The following SLC38A12 variants were observed in gnomAD, a reference collection of about 807,000 sequenced individuals.
The protein encoded by SLC38A12 is putative sodium-coupled neutral amino acid transporter 12.
chr17:74,838,688 G>A, the SLC38A12 span: 1 of 1,426,442 alleles, frequency 7.0e-7, no homozygotes, highest in South Asian at 1.5e-5. Context: ...CTGTAAGTCA[G>A]ATGAGGTCAC....
At chr17:74,821,561 A>G in the SLC38A12 span, among the ~76,000 whole-genome samples, 1 of 152,220 alleles carries the variant, frequency 6.6e-6, no homozygotes, top group African/African-American at 2.4e-5. Flanking sequence ...TCCAGAAGTC[A>G]GAGTCAGCAG....
chr17:74,808,096 A>G, the SLC38A12 span, among the ~76,000 whole-genome samples: 1 of 152,244 alleles, frequency 6.6e-6, no homozygotes, highest in Admixed American at 6.5e-5. Context: ...TCTGCCCACC[A>G]TCGGGTACCA....
At chr17:74,818,430 C>G in the SLC38A12 span, among the ~76,000 whole-genome samples, 1 of 152,182 alleles carries the variant, frequency 6.6e-6, no homozygotes, top group Non-Finnish European at 1.5e-5. Context: ...GCACTTCAGT[C>G]CTCCGCATCA....
At chr17:74,818,359 A>G in the SLC38A12 span, among the ~76,000 whole-genome samples, 1 of 152,190 alleles carries the variant, frequency 6.6e-6, no homozygotes, top group African/African-American at 2.4e-5. Flanking sequence ...AAAGCCCTCC[A>G]TGCCTGGTGG....
chr17:74,825,867 G>T, the SLC38A12 span, among the ~76,000 whole-genome samples: 1 of 152,200 alleles, frequency 6.6e-6, no homozygotes, highest in Non-Finnish European at 1.5e-5. Context: ...CATCTGCAGG[G>T]CTGCCACGGC....
the SLC38A12 span, chr17:74,836,170 C>A: frequency 1.2e-6 from 2 of 1,613,334 alleles, no homozygotes; most frequent in African/African-American, 2.7e-5. The surrounding 1 kb of genome is among the most constrained non-coding windows in gnomAD (Gnocchi z 4.2). Context: ...TCCTTCACCG[C>A]CATCTTCTGC....
chr17:74,801,076 C>T, the SLC38A12 span, among the ~76,000 whole-genome samples: 7 of 152,192 alleles, frequency 4.6e-5, no homozygotes, highest in Non-Finnish European at 8.8e-5. Flanking sequence ...AAGGGTGTTG[C>T]TTCCAGGGTC....
chr17:74,839,342 C>T, the SLC38A12 span: 6 of 614,694 alleles, frequency 9.8e-6, no homozygotes, highest in African/African-American at 5.6e-5. Flanking sequence ...ACAGGGGCTG[C>T]TGCCCCGCTC....
At chr17:74,780,125 T>C in the SLC38A12 span, among the ~76,000 whole-genome samples, 5 of 152,364 alleles carry the variant, frequency 3.3e-5, no homozygotes, top group African/African-American at 9.6e-5. Flanking sequence ...CTCTGCCTGC[T>C]GGTTCCTGCT....
At chr17:74,799,916 G>A in the SLC38A12 span, among the ~76,000 whole-genome samples, 2 of 152,242 alleles carry the variant, frequency 1.3e-5, no homozygotes, top group Admixed American at 1.3e-4. Flanking sequence ...CATGCGTGCT[G>A]TGAGTGCCCC....
chr17:74,813,658 G>A, the SLC38A12 span, among the ~76,000 whole-genome samples: 19 of 152,076 alleles, frequency 1.2e-4, no homozygotes, highest in African/African-American at 3.9e-4. Context: ...CCGCCACCAC[G>A]CCTGGCTAAT....
the SLC38A12 span, chr17:74,836,425 T>C: frequency 6.2e-7 from 1 of 1,609,688 alleles, no homozygotes; most frequent in Non-Finnish European, 8.5e-7. This position sits in a 1 kb window ranked among gnomAD's most constrained non-coding sequence, Gnocchi z 4.2. Flanking sequence ...CCGCCTGTGC[T>C]GGTGGCCTTC....
the SLC38A12 span, chr17:74,791,160 G>A: frequency 8.7e-6 from 7 of 802,124 alleles, no homozygotes; most frequent in Non-Finnish European, 1.4e-5. Context: ...AGGTGGTAGA[G>A]CTGCTCCCTC....
At chr17:74,836,081 C>A in the SLC38A12 span, 2 of 1,613,726 alleles carry the variant, frequency 1.2e-6, no homozygotes, top group Admixed American at 1.7e-5. This position sits in a 1 kb window ranked among gnomAD's most constrained non-coding sequence, Gnocchi z 4.2. Context: ...CCCTCATTAC[C>A]CCCGTCTCCT....
chr17:74,776,828 A>G, the SLC38A12 span, among the ~76,000 whole-genome samples: 2 of 152,124 alleles, frequency 1.3e-5, no homozygotes, highest in East Asian at 1.9e-4. Flanking sequence ...TGGAAGGGCA[A>G]TGTAGGAAAG....
chr17:74,795,496 C>T, the SLC38A12 span: 15 of 1,607,954 alleles, frequency 9.3e-6, no homozygotes, highest in Non-Finnish European at 1.3e-5. Context: ...CTCGCTGAGC[C>T]TGGGCCTGCT....
chr17:74,798,534 C>A, the SLC38A12 span, among the ~76,000 whole-genome samples: 1,868 of 152,322 alleles, frequency 0.012, 43 homozygotes, highest in African/African-American at 0.042. Flanking sequence ...ATATGAGTCA[C>A]TTTCCCCCTT....
the SLC38A12 span, among the ~76,000 whole-genome samples, chr17:74,779,918 A>G: frequency 6.6e-6 from 1 of 152,186 alleles, no homozygotes; most frequent in Non-Finnish European, 1.5e-5. Flanking sequence ...CAGATGTCAC[A>G]CCCTCTCAAG....
At chr17:74,779,001 GAATA>G in the SLC38A12 span, among the ~76,000 whole-genome samples, 3 of 152,100 alleles carry the variant, frequency 2.0e-5, no homozygotes, top group Non-Finnish European at 4.4e-5. Flanking sequence ...CCCTGGAATG[GAATA>G]AATAGTGTCC....
Sources: gnomAD v4.1 joint callset for allele counts (sites outside exome capture counted in the v4.1 genomes callset) on GRCh38, gnomAD v4.1.1 for gene constraint, Gnocchi (gnomAD v3.1) non-coding constraint, MANE v1.5 for transcripts, NCBI Gene and HGNC (gene_info 2026-07-23, HGNC 2026-07-21) for gene names.